Variants in MAN1A1 observed in about 807,000 individuals in gnomAD.
The protein encoded by MAN1A1 is mannosyl-oligosaccharide 1,2-alpha-mannosidase IA.
In MAN1A1, 29 loss-of-function variants were observed where a neutral mutation model predicts 70.8. The ratio of observed to expected loss-of-function variants is 0.41; its 90% CI spans 0.31 to 0.56. The LOEUF (loss-of-function observed/expected upper bound fraction) is 0.56. Ranked by LOEUF, MAN1A1 falls within the 20% of genes least tolerant of loss-of-function variation. The probability of loss-of-function intolerance (pLI) is 0.29; values close to 1 mark genes in which losing one functional copy is unlikely to be tolerated. For synonymous variants in MAN1A1, 349 were observed against 330.1 expected, an observed-to-expected ratio of 1.06 and a Z score of -0.62; for missense variants, 747 against 841.3, an observed-to-expected ratio of 0.89 and a Z score of 1.39.
chr6:119,348,827 A>T lies in MAN1A1; in HGVS notation c.239T>A (p.Leu80Ter). The change falls in exon 2 of 13, where the codon TTG (leucine) becomes TAG (stop). Residue 80 changes from leucine (L) to a stop codon, truncating the protein, a stop_gained. Transcript: ENST00000368468. LOFTEE classifies it high-confidence loss of function. ...SGVLFHSSPA[L>*]QPAADHKPGP... ...GGGCTTGTGGTCGGCGGCCGGCTGC[A>T]AGGCGGGGCTGGAGTGGAACAGGAC... 2 of 1,472,812 alleles carry T rather than the reference A, an allele frequency of 1.4e-6. No homozygotes were observed. The allele number at this position is 1,472,812 out of a possible 1,614,324, so 91.2% of individuals were successfully genotyped here.
intron 5 of MAN1A1, among the ~76,000 whole-genome samples, chr6:119,263,153 G>A (rs1775656405): frequency 6.6e-6 from 1 of 151,938 alleles, no homozygotes; most frequent in Non-Finnish European, 1.5e-5. Context: ...GCCTATTGTG[G>A]GACCTTGTGA....
intron 2 of MAN1A1, chr6:119,331,877 T>G: frequency 2.3e-6 from 1 of 428,482 alleles, no homozygotes; most frequent in Middle Eastern, 3.5e-4. Context: ...CCAGGGGATA[T>G]GGGGAACCCA....
chr6:119,188,282 G>A (rs1773346170), intron 11 of MAN1A1, 123 bp downstream of exon 11: 1 of 890,578 alleles, frequency 1.1e-6, no homozygotes, highest in Non-Finnish European at 1.7e-6. Flanking sequence ...AGTCCTGGGT[G>A]GAAAAAATCC....
intron 6 of MAN1A1, chr6:119,210,947 T>C (rs924693722): frequency 1.5e-5 from 7 of 454,714 alleles, no homozygotes; most frequent in Non-Finnish European, 2.2e-5. Context: ...TAAATCATCA[T>C]ATTGAGTCTT....
intron 5 of MAN1A1, among the ~76,000 whole-genome samples, chr6:119,282,111 G>C (rs1188241612): frequency 6.6e-6 from 1 of 152,006 alleles, no homozygotes; most frequent in African/African-American, 2.4e-5. Flanking sequence ...TGAATTTTCT[G>C]ACTTTCCCTT....
chr6:119,203,718 T>C (rs1773779810), intron 7 of MAN1A1, among the ~76,000 whole-genome samples: 1 of 152,028 alleles, frequency 6.6e-6, no homozygotes, highest in Admixed American at 6.6e-5. Flanking sequence ...TACAGTGAGA[T>C]GTCATTTACC....
At chr6:119,284,834 A>T (rs1164653367) in intron 5 of MAN1A1, among the ~76,000 whole-genome samples, 1 of 152,250 alleles carries the variant, frequency 6.6e-6, no homozygotes, top group Middle Eastern at 3.2e-3. Context: ...GGTATGATGT[A>T]CATATTTTCC....
At chr6:119,326,874 C>A (rs1380646989) in intron 2 of MAN1A1, among the ~76,000 whole-genome samples, 1 of 152,154 alleles carries the variant, frequency 6.6e-6, no homozygotes, top group Non-Finnish European at 1.5e-5. Flanking sequence ...CAAAGCCTAA[C>A]CATATCAAGA....
chr6:119,209,816 T>C (rs1773992192), intron 6 of MAN1A1, among the ~76,000 whole-genome samples: 2 of 152,168 alleles, frequency 1.3e-5, no homozygotes, highest in African/African-American at 2.4e-5. Flanking sequence ...GCCACGATTC[T>C]ATTGCAGCTT....
chr6:119,306,251 C>A (rs1037191568), intron 3 of MAN1A1, among the ~76,000 whole-genome samples: 6 of 152,266 alleles, frequency 3.9e-5, no homozygotes, highest in African/African-American at 1.2e-4. Flanking sequence ...GGATACTGGG[C>A]AGCTCTGTGA....
intron 5 of MAN1A1, among the ~76,000 whole-genome samples, chr6:119,252,847 G>T (rs1286751256): frequency 6.6e-6 from 1 of 152,070 alleles, no homozygotes; most frequent in African/African-American, 2.4e-5. Flanking sequence ...TGAACATGAG[G>T]ATCATAGTGG....
At chr6:119,293,695 T>C (rs888414685) in intron 4 of MAN1A1, among the ~76,000 whole-genome samples, 1 of 152,118 alleles carries the variant, frequency 6.6e-6, no homozygotes, top group Non-Finnish European at 1.5e-5. Context: ...TTCTAGGTTG[T>C]ATTATGTTTT....
chr6:119,224,480 T>C (rs1016961734), intron 6 of MAN1A1, among the ~76,000 whole-genome samples: 1 of 152,162 alleles, frequency 6.6e-6, no homozygotes, highest in African/African-American at 2.4e-5. Context: ...TGAGCAGAAA[T>C]ACCAGCTGTC....
intron 4 of MAN1A1, among the ~76,000 whole-genome samples, chr6:119,299,411 C>T (rs577061498): frequency 6.6e-6 from 1 of 152,068 alleles, no homozygotes; most frequent in South Asian, 2.1e-4. Context: ...ATAATAAAGA[C>T]ATTTGAGAAA....
chr6:119,341,011 G>A (rs1279125962), intron 2 of MAN1A1, among the ~76,000 whole-genome samples: 1 of 152,154 alleles, frequency 6.6e-6, no homozygotes, highest in Non-Finnish European at 1.5e-5. Context: ...AAGGATACGT[G>A]TACTTTTCAA....
chr6:119,185,179 C>T (rs184083088), intron 11 of MAN1A1, among the ~76,000 whole-genome samples: 11 of 152,256 alleles, frequency 7.2e-5, no homozygotes, highest in South Asian at 6.2e-4. Context: ...TGAGCCACCA[C>T]GCCTGGCTTT....
chr6:119,256,323 T>A (rs1367543265), intron 5 of MAN1A1, among the ~76,000 whole-genome samples: 1 of 151,968 alleles, frequency 6.6e-6, no homozygotes, highest in Non-Finnish European at 1.5e-5. Flanking sequence ...CATGAAAAAA[T>A]AAGAGGTAGT....
chr6:119,283,966 G>T (rs1271277047), intron 5 of MAN1A1, among the ~76,000 whole-genome samples: 1 of 152,104 alleles, frequency 6.6e-6, no homozygotes, highest in Non-Finnish European at 1.5e-5. Context: ...GAACATTACT[G>T]TCGGTTTTCT....
intron 2 of MAN1A1, among the ~76,000 whole-genome samples, chr6:119,315,106 T>A (rs554983700): frequency 9.8e-5 from 15 of 152,322 alleles, no homozygotes; most frequent in South Asian, 4.1e-4. Flanking sequence ...GCAATTCGTT[T>A]GTTGCCAGGT....
Sources: allele counts gnomAD v4.1 joint callset (sites outside exome capture counted in the v4.1 genomes callset), GRCh38; gene constraint gnomAD v4.1.1; transcripts MANE v1.5; gene names NCBI Gene and HGNC (gene_info 2026-07-23, HGNC 2026-07-21).